The following RGS5 variants were observed in gnomAD, a reference collection of about 807,000 sequenced individuals.
RGS5 encodes the protein regulator of G protein signaling 5, also known as regulator of G-protein signalling 5.
In RGS5, 20 loss-of-function variants were observed where a neutral mutation model predicts 18.9. That is an observed-to-expected ratio of 1.06 (90% CI 0.74 to 1.54). The LOEUF is 1.54. Among genes scored for constraint, RGS5 ranks in the 40% most tolerant of loss-of-function variants. RGS5 has a pLI of 0.00. For missense variants in RGS5, 201 were observed against 211.8 expected, an observed-to-expected ratio of 0.95 and a Z score of 0.32; for synonymous variants, 57 against 76.2, an observed-to-expected ratio of 0.75 and a Z score of 1.31.
At chr1:163,293,389 G>A (rs947251404) in intron 2 of RGS5, among the ~76,000 whole-genome samples, 3 of 152,152 alleles carry the variant, frequency 2.0e-5, no homozygotes, top group Non-Finnish European at 4.4e-5. Context: ...GAAAGAGCGA[G>A]GGGAGGAAGT....
intron 1 of RGS5, among the ~76,000 whole-genome samples, chr1:163,177,932 C>A (rs1006034095): frequency 2.0e-5 from 3 of 152,072 alleles, no homozygotes; most frequent in African/African-American, 7.2e-5. Context: ...TTCCAAAACC[C>A]CAAAATCACT....
intron 2 of RGS5, among the ~76,000 whole-genome samples, chr1:163,235,538 T>C (rs1179325052): frequency 6.6e-6 from 1 of 152,184 alleles, no homozygotes; most frequent in Non-Finnish European, 1.5e-5. Flanking sequence ...CTGAAAGTAT[T>C]AATAGTTCCC....
At chr1:163,197,639 A>C (rs982697190) in intron 1 of RGS5, among the ~76,000 whole-genome samples, 1 of 152,182 alleles carries the variant, frequency 6.6e-6, no homozygotes, top group African/African-American at 2.4e-5. Flanking sequence ...TAGGAATCAA[A>C]ATAAATGTTT....
intron 1 of RGS5, among the ~76,000 whole-genome samples, chr1:163,179,297 T>A (rs775479261): frequency 1.2e-4 from 19 of 152,252 alleles, no homozygotes; most frequent in Non-Finnish European, 2.6e-4. Context: ...TGCCTTAGTT[T>A]TCTCATCTGT....
intron 2 of RGS5, among the ~76,000 whole-genome samples, chr1:163,284,459 C>CT (rs550602265): frequency 2.0e-5 from 3 of 152,010 alleles, no homozygotes; most frequent in East Asian, 3.9e-4. Flanking sequence ...ATTTAAATAT[C>CT]TTTTTTTTCT....
At chr1:163,159,914 T>G (rs767527305) in intron 3 of RGS5, among the ~76,000 whole-genome samples, 24 of 152,282 alleles carry the variant, frequency 1.6e-4, no homozygotes, top group Non-Finnish European at 1.8e-4. Flanking sequence ...CATACATACA[T>G]GAACACACAC....
At chr1:163,179,134 T>C (rs1470694376) in intron 1 of RGS5, among the ~76,000 whole-genome samples, 2 of 152,196 alleles carry the variant, frequency 1.3e-5, no homozygotes, top group African/African-American at 2.4e-5. Flanking sequence ...CATTGAACTC[T>C]TAGAAAATCC....
intron 1 of RGS5, among the ~76,000 whole-genome samples, chr1:163,200,784 C>A (rs1363606860): frequency 1.3e-5 from 2 of 152,158 alleles, no homozygotes; most frequent in African/African-American, 4.8e-5. Flanking sequence ...AATAAGCTCA[C>A]TCCTTTACCA....
chr1:163,246,074 A>C (rs1228451872), intron 2 of RGS5, among the ~76,000 whole-genome samples: 1 of 151,658 alleles, frequency 6.6e-6, no homozygotes, highest in African/African-American at 2.4e-5. Flanking sequence ...AAAATTAGCC[A>C]GGCGTGGTGG....
chr1:163,253,971 C>G (rs570243707), intron 2 of RGS5, among the ~76,000 whole-genome samples: 196 of 151,718 alleles, frequency 1.3e-3, no homozygotes, highest in African/African-American at 4.4e-3. Context: ...CCCTACAAAG[C>G]ACATGAACTC....
chr1:163,321,112 T>TA (rs1571364718), intron 1 of RGS5, among the ~76,000 whole-genome samples: 2 of 152,206 alleles, frequency 1.3e-5, no homozygotes, highest in South Asian at 2.1e-4. Context: ...AAATACCATG[T>TA]AAAAAAATAC....
intron 1 of RGS5, among the ~76,000 whole-genome samples, chr1:163,173,506 T>C (rs1171603987): frequency 1.3e-5 from 2 of 152,186 alleles, no homozygotes; most frequent in East Asian, 3.9e-4. Context: ...TGCGTGAATT[T>C]AATGGGTTAT....
chr1:163,198,389 A>G (rs1199627019), intron 1 of RGS5, among the ~76,000 whole-genome samples: 1 of 152,092 alleles, frequency 6.6e-6, no homozygotes, highest in Admixed American at 6.6e-5. Flanking sequence ...AAGGGCTTGT[A>G]GCTCTTTAAA....
intron 2 of RGS5, among the ~76,000 whole-genome samples, chr1:163,303,866 T>C (rs1006545146): frequency 3.9e-5 from 6 of 152,180 alleles, no homozygotes; most frequent in Non-Finnish European, 7.3e-5. Flanking sequence ...GGTTGCACAC[T>C]ACTTATGAGA....
At chr1:163,167,396 G>A (rs1292568482) in intron 2 of RGS5, among the ~76,000 whole-genome samples, 1 of 152,178 alleles carries the variant, frequency 6.6e-6, no homozygotes, top group African/African-American at 2.4e-5. Flanking sequence ...AAGATGGAGT[G>A]TATCTGTCTA....
intron 4 of RGS5, among the ~76,000 whole-genome samples, chr1:163,150,799 T>C (rs1657341940): frequency 6.6e-6 from 1 of 152,316 alleles, no homozygotes; most frequent in East Asian, 1.9e-4. Context: ...GTACATAATT[T>C]GTCCATCCAC....
intron 1 of RGS5, among the ~76,000 whole-genome samples, chr1:163,215,617 C>T (rs1358680396): frequency 3.3e-5 from 5 of 152,192 alleles, no homozygotes; most frequent in East Asian, 1.9e-4. Context: ...ACGGCAGCTG[C>T]GAGAGGGAGC....
chr1:163,206,421 T>C (rs1659955974), upstream of RGS5, among the ~76,000 whole-genome samples: 1 of 152,204 alleles, frequency 6.6e-6, no homozygotes, highest in Non-Finnish European at 1.5e-5. Context: ...CCATTATTTT[T>C]CCCCTTTCAT....
At chr1:163,317,747 T>A (rs950307925) in intron 1 of RGS5, among the ~76,000 whole-genome samples, 18 of 152,222 alleles carry the variant, frequency 1.2e-4, no homozygotes, top group African/African-American at 3.1e-4. Context: ...TAGACTGTGT[T>A]CTTCTTCATA....
Sources: allele counts gnomAD v4.1 joint callset (sites outside exome capture counted in the v4.1 genomes callset), GRCh38; gene constraint gnomAD v4.1.1; transcripts MANE v1.5; gene names NCBI Gene and HGNC (gene_info 2026-07-23, HGNC 2026-07-21).